SPINK5: variants seen among roughly 807,000 people sequenced by gnomAD.
SPINK5 encodes the protein serine protease inhibitor Kazal-type 5.
Under a neutral mutation model 151.8 loss-of-function variants are expected in SPINK5, and 125 were observed. The ratio of observed to expected loss-of-function variants is 0.82; its 90% CI spans 0.71 to 0.96. The LOEUF is 0.96. Ranked by LOEUF, SPINK5 falls within the 40% of genes least tolerant of loss-of-function variation. SPINK5 has a pLI of 0.00. For synonymous variants in SPINK5, 374 were observed against 395.3 expected (o/e 0.95, Z 0.64); for missense variants, 1,194 against 1,291.9 (o/e 0.92, Z 1.16).
At chr5:148,119,090 G>C in intron 24 of SPINK5, 32 bp downstream of exon 24, 1 of 1,594,548 alleles carries the variant, frequency 6.3e-7, no homozygotes, top group African/African-American at 1.3e-5. Context: ...GGCAAGAATC[G>C]TCTTTCTGTG....
chr5:148,088,730 G>A, intron 6 of SPINK5, 125 bp downstream of exon 6: 1 of 932,094 alleles, frequency 1.1e-6, no homozygotes, highest in Admixed American at 2.0e-5. Flanking sequence ...TATGTGAAAT[G>A]GAATACCCAG....
chr5:148,120,183 A>T, intron 25 of SPINK5, 47 bp downstream of exon 25: 4 of 1,613,898 alleles, frequency 2.5e-6, no homozygotes, highest in Non-Finnish European at 3.4e-6. Context: ...CTTAAAGTAC[A>T]ATAATCATTT....
At chr5:148,123,716 A>T (rs1369408999) in intron 26 of SPINK5, 117 bp from the exon 27 acceptor site, 1 of 1,442,466 alleles carries the variant, frequency 6.9e-7, no homozygotes, top group Non-Finnish European at 9.5e-7. Flanking sequence ...CTTCTCTGAA[A>T]TTTCACTTCT....
At chr5:148,131,206 C>T in intron 30 of SPINK5, 53 bp from the exon 31 acceptor site, 2 of 1,608,244 alleles carry the variant, frequency 1.2e-6, no homozygotes, top group Non-Finnish European at 1.7e-6. Flanking sequence ...CTTAAGCCCA[C>T]CCCTCTTCTT....
chr5:148,064,185 A>G, intron 1 of SPINK5, 86 bp downstream of exon 1: 1 of 1,472,504 alleles, frequency 6.8e-7, no homozygotes, highest in Non-Finnish European at 9.5e-7. Flanking sequence ...CTCCTGCCAA[A>G]AAATGTTTAC....
chr5:148,089,714 A>G, intron 7 of SPINK5, 93 bp downstream of exon 7: 1 of 1,580,172 alleles, frequency 6.3e-7, no homozygotes, highest in South Asian at 1.1e-5. Flanking sequence ...CCTTTTCATG[A>G]AGCATGCAAT....
At chr5:148,125,975 A>C (rs1304702125) in intron 29 of SPINK5, 125 bp downstream of exon 29, 1 of 1,438,432 alleles carries the variant, frequency 7.0e-7, no homozygotes, top group South Asian at 1.2e-5. Flanking sequence ...TTTAGAATTA[A>C]AGCCCTCAAA....
chr5:148,114,401 A>C lies in SPINK5; in HGVS notation c.1927A>C (p.Lys643Gln). The C allele has an allele frequency of 1.2e-6, 2 of 1,613,650 alleles. No homozygotes were observed. The highest frequency in any genetic ancestry group is 1.7e-6 in the Non-Finnish European group (2 of 1,179,686). The change falls in exon 21 of 33, where the codon AAA becomes CAA. Residue 643 changes from lysine (K) to glutamine (Q), a missense_variant. Physicochemically the swap from Lys to Gln is moderately conservative, Grantham distance 53. Coordinates refer to ENST00000256084, the MANE Select transcript of SPINK5 (RefSeq NM_006846.4). The stretch of plus-strand genomic sequence containing the variant: ...ATTTCGGAGACTTTTGCAAAATGGA[A>C]AACTTTTCTGCACAAGAGAAAATGA... ...DEFRRLLQNG[K>Q]LFCTRENDPV...
rs146312546 is a variant in SPINK5, at chr5:148,076,065, T to C, written c.282+3845T>C. ...GCAAACTCCTAACTGACTATAAAGC[T>C]GCGCATATCCGCTTAATAAACACAA... is the stretch of plus-strand genomic sequence containing the variant. On this transcript the variant is annotated intron_variant, in intron 4 of 32. Coordinates refer to ENST00000256084, the MANE Select transcript of SPINK5 (RefSeq NM_006846.4). Among the ~76,000 whole-genome samples, 470 of 151,870 alleles carry C rather than the reference T, an allele frequency of 3.1e-3. 3 individuals are homozygous for C. The highest frequency in any genetic ancestry group is 0.011 in the African/African-American group (447 of 41,488).
Position 148,124,793 on chromosome 5 carries a change from A to T in SPINK5, c.2695A>T (p.Lys899Ter), listed in dbSNP as rs1412263020. 2 of 1,608,304 alleles carry T rather than the reference A, an allele frequency of 1.2e-6. No homozygotes were observed. The highest frequency in any genetic ancestry group is 2.7e-5 in the African/African-American group (2 of 74,726). The stretch of plus-strand genomic sequence containing the variant: ...TCGAGAAGCTAATGAAAGAAAAAAG[A>T]AAGATGAAGAGAAATCAAGTAGCAA... Reference protein sequence around the residue: ...FDREANERKKKDEEKSSSKPS... With the variant: ...FDREANERKK Residue 899 changes from lysine (K) to a stop codon, truncating the protein, a stop_gained, in exon 28 of 33, where the codon AAA becomes TAA. Coordinates refer to ENST00000256084, the MANE Select transcript of SPINK5 (RefSeq NM_006846.4). LOFTEE classifies it high-confidence loss of function.
At chr5:148,129,055 G>A (rs1754506734) in intron 30 of SPINK5, among the ~76,000 whole-genome samples, 1 of 152,118 alleles carries the variant, frequency 6.6e-6, no homozygotes, top group Non-Finnish European at 1.5e-5. Flanking sequence ...TCTCTCAGAA[G>A]GTGACATTTA....
intron 29 of SPINK5, among the ~76,000 whole-genome samples, chr5:148,126,557 G>T (rs1457421695): frequency 6.6e-6 from 1 of 150,900 alleles, no homozygotes; most frequent in African/African-American, 2.5e-5. Flanking sequence ...CTATCTCAAT[G>T]TTCTGTGATT....
intron 28 of SPINK5, 41 bp downstream of exon 28, chr5:148,124,878 C>A: frequency 6.5e-7 from 1 of 1,533,762 alleles, no homozygotes; most frequent in Admixed American, 2.1e-5. Flanking sequence ...TTTTACTTTT[C>A]ACCTTCAGAA....
rs772077202 is a variant in SPINK5 at position 148,095,821 on chromosome 5, G to A, written c.798G>A (p.Lys266=). The change falls in exon 10 of 33, where the codon AAG becomes AAA. Residue 266 remains lysine (K), a synonymous_variant. Transcript: ENST00000256084. ...TCATTTATTTTACTTTTTCCAGCAA[G>A]CAGCGTTTTTCAGAGGAAAACAGTA... is the stretch of plus-strand genomic sequence containing the variant. ...NKCALCAEIF[K]QRFSEENSKT... 1 of 1,611,540 alleles carries A rather than the reference G, an allele frequency of 6.2e-7. No individual in the cohort carries two copies. The highest frequency in any genetic ancestry group is 8.5e-7 in the Non-Finnish European group (1 of 1,178,368).
chr5:148,136,858 G>T, intron 32 of SPINK5, 125 bp from the exon 33 acceptor site: 2 of 1,242,158 alleles, frequency 1.6e-6, no homozygotes, highest in Non-Finnish European at 2.4e-6. Flanking sequence ...ATTTTAAATT[G>T]CTACTTCTTT....
rs149172590 is a variant in SPINK5 at position 148,126,621 on chromosome 5, T to C, written c.2868-362T>C. 9.2e-3 allele frequency among the ~76,000 whole-genome samples: 1,393 copies of C among 152,032 alleles called. 31 individuals carry two copies. The highest frequency in any genetic ancestry group is 0.032 in the African/African-American group (1,345 of 41,444). ...TTTATTTATTTATTGAGACAGAGTC[T>C]CACTCTGTTGCCCAGGTTGGAGTGC... is the stretch of plus-strand genomic sequence containing the variant. On this transcript the variant is annotated intron_variant, in intron 29 of 32. Coordinates refer to ENST00000256084, the MANE Select transcript of SPINK5 (RefSeq NM_006846.4).
intron 3 of SPINK5, among the ~76,000 whole-genome samples, chr5:148,071,861 C>T (rs1015352988): frequency 6.6e-6 from 1 of 151,968 alleles, no homozygotes; most frequent in Non-Finnish European, 1.5e-5. Flanking sequence ...AAAAATGGTG[C>T]AGATAGCTTT....
chr5:148,078,310 G>T (rs1022288102), intron 4 of SPINK5, among the ~76,000 whole-genome samples: 1 of 150,948 alleles, frequency 6.6e-6, no homozygotes, highest in Non-Finnish European at 1.5e-5. Flanking sequence ...ATAATTAAAA[G>T]AAATGAAAAG....
Position 148,111,793 on chromosome 5 carries a change from A to T in SPINK5, c.1718A>T (p.Tyr573Phe). The change falls in exon 19 of 33, where the codon TAT (tyrosine) becomes TTT (phenylalanine). Residue 573 changes from tyrosine to phenylalanine, a missense_variant. Physicochemically the swap from Tyr to Phe is conservative, Grantham distance 22 (BLOSUM62 3). Coordinates refer to ENST00000256084, the MANE Select transcript of SPINK5 (RefSeq NM_006846.4). ...GAGCTGTGCAGTGAATATCGTCATT[A>T]TGTGAGGAATGGACGACTCCCCTGT... ...VQELCSEYRH[Y>F]VRNGRLPCTR... 1 of 1,614,030 alleles carries T rather than the reference A, an allele frequency of 6.2e-7. No individual in the cohort carries two copies. Among genetic ancestry groups the T allele is most frequent in the South Asian group, 1.1e-5 (1 of 91,082 alleles).
Sources: allele counts gnomAD v4.1 joint callset (sites outside exome capture counted in the v4.1 genomes callset), GRCh38; gene constraint gnomAD v4.1.1; transcripts MANE v1.5; gene names NCBI Gene and HGNC (gene_info 2026-07-23, HGNC 2026-07-21).